IQSEC3: variants seen among roughly 807,000 people sequenced by gnomAD.
The protein encoded by IQSEC3 is IQ motif and Sec7 domain ArfGEF 3, also known as IQ motif and SEC7 domain-containing protein 3.
A neutral mutation model predicts 105.4 loss-of-function variants in IQSEC3; 50 were observed. The observed-to-expected ratio is 0.47, with a 90% CI of 0.38 to 0.60. The LOEUF (loss-of-function observed/expected upper bound fraction) is 0.60, where lower values mean the gene tolerates loss of function less well. IQSEC3 is among the 20% of genes least tolerant of loss of function. The probability of loss-of-function intolerance (pLI) is 0.00; values close to 1 mark genes in which losing one functional copy is unlikely to be tolerated. For synonymous variants in IQSEC3, 708 were observed against 746.0 expected, an observed-to-expected ratio of 0.95 and a Z score of 0.83; for missense variants, 1,415 against 1,630.0, an observed-to-expected ratio of 0.87 and a Z score of 2.27.
At chr12:146,859 C>T (rs1455043331) in intron 5 of IQSEC3, among the ~76,000 whole-genome samples, 1 of 152,180 alleles carries the variant, frequency 6.6e-6, no homozygotes, top group African/African-American at 2.4e-5. Flanking sequence ...AGAACATCTT[C>T]AAAAGTGGTG....
At chr12:108,162 A>G (rs782289158) in intron 2 of IQSEC3, among the ~76,000 whole-genome samples, 10 of 152,248 alleles carry the variant, frequency 6.6e-5, no homozygotes, top group Non-Finnish European at 1.0e-4. Flanking sequence ...GGCCGTTTAC[A>G]TGAACTATGG....
intron 1 of IQSEC3, among the ~76,000 whole-genome samples, chr12:94,104 G>A (rs782709402): frequency 5.3e-5 from 8 of 152,198 alleles, no homozygotes; most frequent in Non-Finnish European, 1.0e-4. Context: ...CCTAGCTGGT[G>A]GACTCCCTGA....
intron 2 of IQSEC3, among the ~76,000 whole-genome samples, chr12:105,862 CCT>C (rs1170522559): frequency 1.3e-5 from 2 of 152,214 alleles, no homozygotes; most frequent in Non-Finnish European, 2.9e-5. Context: ...CCTTGAGCAT[CCT>C]CTGAGACTGG....
At chr12:77,061 ACT>A (rs572921352) in intron 1 of IQSEC3, among the ~76,000 whole-genome samples, 110 of 152,204 alleles carry the variant, frequency 7.2e-4, no homozygotes, top group Admixed American at 3.3e-3. Context: ...AGCTACAAAA[ACT>A]CTGCAAAGCG....
chr12:171,472 C>A (rs1219389937), intron 13 of IQSEC3: 8 of 659,982 alleles, frequency 1.2e-5, no homozygotes, highest in Non-Finnish European at 2.1e-5. Context: ...TGTGTGCCCC[C>A]AAATCCACCT....
intron 1 of IQSEC3, among the ~76,000 whole-genome samples, chr12:73,676 AAAAAAGAAAAAG>A (rs570849165): frequency 1.3e-5 from 2 of 152,104 alleles, no homozygotes; most frequent in Non-Finnish European, 2.9e-5. Context: ...TGACCCCAAA[AAAAAAGAAAAAG>A]AAAAAGAAAA....
chr12:141,525 A>T (rs1555089303), intron 5 of IQSEC3: 2 of 487,416 alleles, frequency 4.1e-6, no homozygotes, highest in African/African-American at 1.9e-5. Context: ...GGCAGCAGGG[A>T]TACAGAAATG....
chr12:130,317 G>A (rs956362681), intron 3 of IQSEC3, among the ~76,000 whole-genome samples: 3 of 152,196 alleles, frequency 2.0e-5, no homozygotes, highest in African/African-American at 4.8e-5. Flanking sequence ...TCTGCACAAC[G>A]TCCCCGTGAG....
intron 1 of IQSEC3, among the ~76,000 whole-genome samples, chr12:69,297 C>T (rs1280766550): frequency 1.3e-5 from 2 of 152,272 alleles, no homozygotes; most frequent in Admixed American, 6.5e-5. Flanking sequence ...CCATAGCCTT[C>T]AGAGTGGCCT....
At chr12:113,998 ACT>A (rs1412662718) in intron 2 of IQSEC3, among the ~76,000 whole-genome samples, 2 of 152,240 alleles carry the variant, frequency 1.3e-5, no homozygotes, top group Admixed American at 1.3e-4. Flanking sequence ...CCACTCACAA[ACT>A]CTATGACCTT....
rs782266584 is a variant in IQSEC3, at chr12:141,134, A to G, written c.2002A>G (p.Lys668Glu). 1 of 1,569,192 alleles carries G rather than the reference A, an allele frequency of 6.4e-7. No individual in the cohort carries two copies. Among genetic ancestry groups the G allele is most frequent in the South Asian group, 1.1e-5 (1 of 87,834 alleles). Residue 668 changes from lysine to glutamate, a missense_variant, in exon 5 of 14, where the codon AAG (lysine) becomes GAG (glutamate). By Grantham distance (56) the Lys-to-Glu change is moderately conservative. Transcript: ENST00000538872. The part of the protein sequence containing the change: ...GLNLFNINPD[K>E]GIQFLISRGF... ...CACCCCCACCTCCAGAAACCCCGAC[A>G]AGGGCATCCAGTTCCTGATCTCACG...
At chr12:136,554 T>A (rs1289941899) in intron 3 of IQSEC3, among the ~76,000 whole-genome samples, 2 of 152,204 alleles carry the variant, frequency 1.3e-5, no homozygotes, top group Middle Eastern at 3.4e-3. Flanking sequence ...GGCCTTTCTA[T>A]CTGTACCCTC....
chr12:76,111 C>G (rs1193553119), intron 1 of IQSEC3, among the ~76,000 whole-genome samples: 5 of 151,432 alleles, frequency 3.3e-5, no homozygotes, highest in African/African-American at 1.2e-4. Context: ...CACACACACA[C>G]ACACACACAC....
At chr12:95,231 AG>A in intron 1 of IQSEC3, among the ~76,000 whole-genome samples, 1 of 152,174 alleles carries the variant, frequency 6.6e-6, no homozygotes, top group Non-Finnish European at 1.5e-5. Context: ...ACTCAGCCTC[AG>A]TTTTCTCATT....
At chr12:103,903 G>T in intron 2 of IQSEC3, among the ~76,000 whole-genome samples, 1 of 142,050 alleles carries the variant, frequency 7.0e-6, no homozygotes, top group Admixed American at 6.9e-5. Context: ...GGGAGGCGGG[G>T]CTCAGGAGGG....
chr12:148,860 C>G (rs1042318601), intron 5 of IQSEC3: 5 of 152,038 alleles, frequency 3.3e-5, no homozygotes, highest in Non-Finnish European at 5.9e-5. Context: ...TCTCTTCCAG[C>G]CAATTAAAAA....
chr12:96,316 CTTA>C (rs782413083), intron 1 of IQSEC3, among the ~76,000 whole-genome samples: 1 of 152,156 alleles, frequency 6.6e-6, no homozygotes, highest in Non-Finnish European at 1.5e-5. Flanking sequence ...GACCAAGGTT[CTTA>C]TTATGCAGAT....
rs542781728 is a variant in IQSEC3, at chr12:83,069, G to T, written c.554+15633G>T. On this transcript the variant is annotated intron_variant, in intron 1 of 13. Coordinates refer to ENST00000538872, the MANE Select transcript of IQSEC3 (RefSeq NM_001170738.2). ...CTCACTTATCGTCGCATACACCAGG[G>T]TTCACACCGGTGCTGTGGGTAATTA... Among the ~76,000 whole-genome samples the T allele has an allele frequency of 2.5e-4, 38 of 152,288 alleles. 1 individual carries two copies. The East Asian group carries it at 7.1e-3, about 29-fold the overall frequency.
Position 138,401 on chromosome 12 carries a change from C to A in IQSEC3, c.1038C>A (p.Arg346=). 6.2e-7 allele frequency: 1 copy of A among 1,610,246 alleles called. No homozygotes were observed. The highest frequency in any genetic ancestry group is 8.5e-7 in the Non-Finnish European group (1 of 1,179,854). ...EKIRNSLLES[R]LPRRISLRKV... ...TCCGCAACTCGCTTCTGGAGAGCCG[C>A]CTGCCACGGCGGATCTCCCTGCGCA... The change falls in exon 4 of 14, where the codon CGC becomes CGA. Residue 346 remains arginine, a synonymous_variant. Coordinates refer to ENST00000538872, the MANE Select transcript of IQSEC3 (RefSeq NM_001170738.2). The surrounding 1 kb of genome is among the most constrained non-coding windows in gnomAD (Gnocchi z 7.1).
Sources: gnomAD v4.1 joint callset for allele counts (sites outside exome capture counted in the v4.1 genomes callset) on GRCh38, gnomAD v4.1.1 for gene constraint, Gnocchi (gnomAD v3.1) non-coding constraint, MANE v1.5 for transcripts, NCBI Gene and HGNC (gene_info 2026-07-23, HGNC 2026-07-21) for gene names.